Variants in MAGI1 observed in about 807,000 individuals in gnomAD.
The protein encoded by MAGI1 is membrane associated guanylate kinase, WW and PDZ domain containing 1.
MAGI1 carries 58 observed loss-of-function variants against 139.9 expected under a neutral mutation model. That is an observed-to-expected ratio of 0.41 (90% confidence interval 0.34 to 0.52). MAGI1 has a LOEUF of 0.52. Among genes scored for constraint, MAGI1 ranks in the 20% least tolerant of loss-of-function variants. The probability of loss-of-function intolerance (pLI) is 0.12; values close to 1 mark genes in which losing one functional copy is unlikely to be tolerated. For missense variants in MAGI1, 1,874 were observed against 1,901.6 expected, an observed-to-expected ratio of 0.99 and a Z score of 0.27; for synonymous variants, 812 against 737.9, an observed-to-expected ratio of 1.10 and a Z score of -1.63.
intron 1 of MAGI1, among the ~76,000 whole-genome samples, chr3:65,786,664 T>C (rs1012474069): frequency 6.9e-6 from 1 of 145,198 alleles, no homozygotes; most frequent in African/African-American, 2.6e-5. Flanking sequence ...CAGGCTGGAG[T>C]GCAGTGGCAC....
intron 16 of MAGI1, 28 bp from the exon 17 acceptor site, chr3:65,379,582 C>CA: frequency 1.3e-6 from 2 of 1,583,392 alleles, no homozygotes; most frequent in Non-Finnish European, 1.7e-6. Flanking sequence ...ACGCGTACAT[C>CA]ACCGTGTCCT....
intron 1 of MAGI1, among the ~76,000 whole-genome samples, chr3:66,014,633 G>C (rs1167270105): frequency 6.6e-6 from 1 of 152,204 alleles, no homozygotes; most frequent in Admixed American, 6.5e-5. Context: ...GTTTCTAGTG[G>C]TAGAAAGGCT....
chr3:65,465,405 C>T (rs376217502), intron 5 of MAGI1, among the ~76,000 whole-genome samples: 31 of 151,108 alleles, frequency 2.1e-4, no homozygotes, highest in Non-Finnish European at 4.6e-4. Context: ...ATCCATTGGC[C>T]ATTTATTGAG....
At position 65,375,863 on chromosome 3, in the gene MAGI1, T is replaced by C. The variant is rs1304934988; in HGVS notation, c.3078A>G (p.Val1026=). 1.2e-6 allele frequency: 2 copies of C among 1,614,072 alleles called. No homozygotes were observed. Among genetic ancestry groups the C allele is most frequent in the Non-Finnish European group, 1.7e-6 (2 of 1,180,028 alleles). ...CATTTACTGCCAAGATCCGGTCTCC[T>C]ACTTTCAGCTTGCCACAGCGGTCAG... ...SPADRCGKLK[V]GDRILAVNGC... The change falls in exon 18 of 23, where the codon GTA becomes GTG. Residue 1026 remains valine (V), a synonymous_variant. Transcript: ENST00000402939.
At chr3:65,886,169 T>A (rs940321889) in intron 1 of MAGI1, among the ~76,000 whole-genome samples, 3 of 152,330 alleles carry the variant, frequency 2.0e-5, no homozygotes, top group Non-Finnish European at 4.4e-5. Context: ...CTCCCTATTT[T>A]GCATAGTTTT....
At chr3:65,809,339 G>C (rs1220548614) in intron 1 of MAGI1, among the ~76,000 whole-genome samples, 1 of 152,028 alleles carries the variant, frequency 6.6e-6, no homozygotes, top group Admixed American at 6.6e-5. Context: ...ATTTCCAAGG[G>C]GAAGCTGAAA....
intron 21 of MAGI1, among the ~76,000 whole-genome samples, chr3:65,362,595 T>TA (rs1049324611): frequency 6.6e-6 from 1 of 152,214 alleles, no homozygotes; most frequent in African/African-American, 2.4e-5. Flanking sequence ...TTTTAAATGT[T>TA]AAAAAATTCA....
chr3:65,881,505 T>C (rs2060328461), intron 1 of MAGI1, among the ~76,000 whole-genome samples: 2 of 152,006 alleles, frequency 1.3e-5, no homozygotes, highest in African/African-American at 4.8e-5. Flanking sequence ...TGTGTGCCTA[T>C]AGTCCCAGAT....
At chr3:65,495,263 A>G (rs558994782) in intron 2 of MAGI1, among the ~76,000 whole-genome samples, 25 of 152,324 alleles carry the variant, frequency 1.6e-4, no homozygotes, top group African/African-American at 6.0e-4. Flanking sequence ...AATAGGGATA[A>G]TAATAGCACC....
chr3:65,434,203 C>T (rs1219642555), intron 10 of MAGI1, among the ~76,000 whole-genome samples: 1 of 152,144 alleles, frequency 6.6e-6, no homozygotes, highest in Non-Finnish European at 1.5e-5. Flanking sequence ...CTAAACCTCT[C>T]TGCCTGAGTA....
chr3:65,647,838 G>T (rs778065182), intron 1 of MAGI1, among the ~76,000 whole-genome samples: 1 of 152,104 alleles, frequency 6.6e-6, no homozygotes. Flanking sequence ...TACATCTGAC[G>T]TAATAATTCA....
At chr3:65,363,717 C>A in intron 20 of MAGI1, 109 bp from the exon 21 acceptor site, 1 of 845,614 alleles carries the variant, frequency 1.2e-6, no homozygotes. Flanking sequence ...CTTGGTGACT[C>A]TTGTTTATTA....
chr3:65,913,186 C>A (rs1475628591), intron 1 of MAGI1, among the ~76,000 whole-genome samples: 2 of 152,084 alleles, frequency 1.3e-5, no homozygotes, highest in African/African-American at 4.8e-5. Context: ...GGAGGTTGAA[C>A]CCAGGAGGCA....
intron 1 of MAGI1, among the ~76,000 whole-genome samples, chr3:65,921,954 A>T (rs1021216343): frequency 6.7e-6 from 1 of 148,640 alleles, no homozygotes; most frequent in African/African-American, 2.5e-5. Flanking sequence ...ACACACACAC[A>T]CTACACAAAA....
chr3:65,950,067 C>CCAAAAAAA (rs2063733078), intron 1 of MAGI1, among the ~76,000 whole-genome samples: 1 of 76,716 alleles, frequency 1.3e-5, no homozygotes, highest in Non-Finnish European at 2.2e-5. Context: ...AACAAAAAAA[C>CCAAAAAAA]AAAAAAAAAA....
intron 1 of MAGI1, among the ~76,000 whole-genome samples, chr3:65,763,630 C>A (rs1401930563): frequency 6.6e-6 from 1 of 151,786 alleles, no homozygotes; most frequent in Non-Finnish European, 1.5e-5. Flanking sequence ...GGGCTGGATT[C>A]CAACCCAGAC....
intron 1 of MAGI1, among the ~76,000 whole-genome samples, chr3:66,019,037 A>G (rs2067825414): frequency 6.6e-6 from 1 of 152,176 alleles, no homozygotes; most frequent in African/African-American, 2.4e-5. Context: ...ACAAATGTTT[A>G]TGCTGCTCAG....
chr3:65,711,365 T>A (rs772368134), intron 1 of MAGI1, among the ~76,000 whole-genome samples: 1 of 152,160 alleles, frequency 6.6e-6, no homozygotes, highest in Admixed American at 6.5e-5. Context: ...TGGAACCACA[T>A]AAACGTTTTA....
Position 65,364,719 on chromosome 3 carries a change from G to T in MAGI1, c.3297C>A (p.Thr1099=). ...ATTGAGATTCCTGCTTTGGTTTGGTGGTATTCCTGCCAAAGTGAAAGAAAT... is the reference window on the plus strand; with the variant it reads ...ATTGAGATTCCTGCTTTGGTTTGGTTGTATTCCTGCCAAAGTGAAAGAAAT... The part of the protein sequence containing the change: ...SQQGTQETRN[T]TKPKQESQFE... The change falls in exon 20 of 23, where the codon ACC becomes ACA. Residue 1099 remains threonine, a synonymous_variant. Transcript: ENST00000402939. The T allele has an allele frequency of 1.2e-6, 2 of 1,613,940 alleles. No individual in the cohort carries two copies. The highest frequency in any genetic ancestry group is 1.7e-6 in the Non-Finnish European group (2 of 1,179,848).
Sources: allele counts gnomAD v4.1 joint callset (sites outside exome capture counted in the v4.1 genomes callset), GRCh38; gene constraint gnomAD v4.1.1; transcripts MANE v1.5; gene names NCBI Gene and HGNC (gene_info 2026-07-23, HGNC 2026-07-21).